Variants in ROBO1 observed in about 807,000 individuals in gnomAD.
ROBO1 encodes the protein roundabout homolog 1.
ROBO1 carries 149 observed loss-of-function variants against 195.9 expected under a neutral mutation model. The observed-to-expected ratio is 0.76, with a 90% CI of 0.67 to 0.87. ROBO1 has a LOEUF of 0.87. ROBO1 is among the 40% of genes least tolerant of loss of function. ROBO1 has a pLI of 0.00. For missense variants in ROBO1, 1,933 were observed against 2,068.3 expected, an observed-to-expected ratio of 0.93 and a Z score of 1.27; for synonymous variants, 816 against 733.2, an observed-to-expected ratio of 1.11 and a Z score of -1.82.
At chr3:78,904,997 C>CTA (rs2037815897) in intron 4 of ROBO1, among the ~76,000 whole-genome samples, 1 of 149,064 alleles carries the variant, frequency 6.7e-6, no homozygotes, top group Admixed American at 6.7e-5. Context: ...GGGTAACTTA[C>CTA]TATAACACCA....
intron 1 of ROBO1, among the ~76,000 whole-genome samples, chr3:79,606,903 T>A (rs569148099): frequency 9.2e-5 from 14 of 152,160 alleles, no homozygotes; most frequent in African/African-American, 3.4e-4. Flanking sequence ...CTAACTGTAC[T>A]TTATTTAGCA....
chr3:79,134,272 A>G (rs1352697256), intron 2 of ROBO1, among the ~76,000 whole-genome samples: 1 of 134,170 alleles, frequency 7.5e-6, no homozygotes, highest in African/African-American at 2.9e-5. Flanking sequence ...ATGCAGCCAA[A>G]AAACACATGA....
At chr3:79,456,762 C>A (rs1467009591) in intron 2 of ROBO1, among the ~76,000 whole-genome samples, 1 of 152,058 alleles carries the variant, frequency 6.6e-6, no homozygotes, top group African/African-American at 2.4e-5. Flanking sequence ...TCTTTAGCGA[C>A]TTTTAATATA....
chr3:78,791,298 A>G (rs2084012763), intron 4 of ROBO1, among the ~76,000 whole-genome samples: 1 of 152,174 alleles, frequency 6.6e-6, no homozygotes, highest in Admixed American at 6.5e-5. Flanking sequence ...CCTCTCTCCT[A>G]TAGATTAAAA....
intron 3 of ROBO1, among the ~76,000 whole-genome samples, chr3:79,062,597 C>A (rs542133089): frequency 6.6e-6 from 1 of 152,254 alleles, no homozygotes; most frequent in East Asian, 1.9e-4. Context: ...TGGAACCAAC[C>A]CAAATGTCCA....
chr3:79,255,797 C>A (rs2082822190), intron 2 of ROBO1, among the ~76,000 whole-genome samples: 1 of 152,102 alleles, frequency 6.6e-6, no homozygotes, highest in Admixed American at 6.6e-5. Flanking sequence ...TCATCTCCCC[C>A]TCCACCACAC....
At chr3:79,200,787 C>T (rs1021096316) in intron 2 of ROBO1, among the ~76,000 whole-genome samples, 1 of 151,878 alleles carries the variant, frequency 6.6e-6, no homozygotes, top group Non-Finnish European at 1.5e-5. Flanking sequence ...GAGAAAAACA[C>T]ATTTTAGACA....
intron 8 of ROBO1, among the ~76,000 whole-genome samples, chr3:78,689,827 C>T (rs2081131975): frequency 6.6e-6 from 1 of 151,792 alleles, no homozygotes; most frequent in Non-Finnish European, 1.5e-5. Context: ...AGGGAAACTC[C>T]TTAATGTGAA....
intron 2 of ROBO1, among the ~76,000 whole-genome samples, chr3:79,546,608 G>C (rs1440422442): frequency 1.3e-5 from 2 of 152,140 alleles, no homozygotes; most frequent in Admixed American, 1.3e-4. Context: ...AAATCTCACT[G>C]ACCATGGCAA....
Position 79,519,641 on chromosome 3 carries a change from A to AAAG in ROBO1, c.88+70182_88+70183insCTT, listed in dbSNP as rs1941117365. 3.3e-5 allele frequency among the ~76,000 whole-genome samples: 5 copies of AAAG among 151,046 alleles called. No homozygotes were observed. The South Asian group carries it at 1.0e-3, about 31-fold the overall frequency. On this transcript the variant is annotated intron_variant, in intron 2 of 30. Coordinates refer to ENST00000464233, the MANE Select transcript of ROBO1 (RefSeq NM_002941.4). ...CAGACTCCTGCTCAAAAAAAAAAAAAAAAAAAAAGAAAAGAAAAAAGAAAT... is the reference window on the plus strand; with the variant it reads ...CAGACTCCTGCTCAAAAAAAAAAAAAAAGAAAAAAAAGAAAAGAAAAAAGAAAT...
At chr3:78,707,324 A>G (rs6806079) in intron 8 of ROBO1, among the ~76,000 whole-genome samples, 46,324 of 151,974 alleles carry the variant, frequency 0.3, 7,803 homozygotes, top group African/African-American at 0.46. Context: ...AGTCTCATAC[A>G]CTAAGGCTCA....
At chr3:79,092,025 C>G (rs931093540) in intron 3 of ROBO1, among the ~76,000 whole-genome samples, 1 of 152,080 alleles carries the variant, frequency 6.6e-6, no homozygotes, top group African/African-American at 2.4e-5. Flanking sequence ...TGAGAATAGA[C>G]TGTAGGGGGC....
At chr3:79,471,177 G>C (rs1309129421) in intron 2 of ROBO1, among the ~76,000 whole-genome samples, 2 of 152,092 alleles carry the variant, frequency 1.3e-5, no homozygotes, top group South Asian at 2.1e-4. Flanking sequence ...AGACTCAAAT[G>C]TAAGACCCAA....
At chr3:79,407,421 A>G (rs775614517) in intron 2 of ROBO1, among the ~76,000 whole-genome samples, 22 of 152,220 alleles carry the variant, frequency 1.4e-4, no homozygotes, top group Non-Finnish European at 2.9e-4. Context: ...AACGTTGTGA[A>G]AAAAATACAT....
chr3:79,546,416 G>T lies in ROBO1; in HGVS notation c.88+43408C>A, dbSNP rs565336906. ...CAAAGGTTAAATGTACAGTGAAAGA[G>T]TACAGTGTTGCTCTCGAAAGACAAA... On this transcript the variant is annotated intron_variant, in intron 2 of 30. Transcript: ENST00000464233. 5.1e-3 allele frequency among the ~76,000 whole-genome samples: 779 copies of T among 152,180 alleles called. 8 individuals are homozygous for T. Among genetic ancestry groups the T allele is most frequent in the African/African-American group, 0.018 (742 of 41,524 alleles).
chr3:78,964,478 A>G (rs1031927562), intron 3 of ROBO1, among the ~76,000 whole-genome samples: 1 of 152,156 alleles, frequency 6.6e-6, no homozygotes, highest in Non-Finnish European at 1.5e-5. Flanking sequence ...ACTTTTGCCA[A>G]ACTGTAGAGA....
rs1200775664 is a variant in ROBO1, at chr3:78,860,683, T to G, written c.499+77918A>C. ...TCCCATGTGGCATCCCATGTGGGCT[T>G]CGGCTCCACCAGAGGTACATTTTTA... On this transcript the variant is annotated intron_variant, in intron 4 of 30. Coordinates refer to ENST00000464233, the MANE Select transcript of ROBO1 (RefSeq NM_002941.4). Among the ~76,000 whole-genome samples the G allele has an allele frequency of 2.6e-5, 4 of 152,112 alleles. No homozygotes were observed. In the East Asian group the frequency reaches 7.7e-4, roughly 29 times the overall value.
At chr3:79,076,184 A>G (rs535176903) in intron 3 of ROBO1, among the ~76,000 whole-genome samples, 5 of 149,322 alleles carry the variant, frequency 3.3e-5, no homozygotes, top group African/African-American at 1.2e-4. Flanking sequence ...TATGTTAATT[A>G]TGTAAAACAA....
intron 2 of ROBO1, among the ~76,000 whole-genome samples, chr3:79,498,173 C>T (rs953478116): frequency 2.6e-5 from 4 of 152,034 alleles, no homozygotes; most frequent in African/African-American, 9.7e-5. Flanking sequence ...TTTTCAAAAG[C>T]ATTTTTGTCA....
Sources: gnomAD v4.1 joint callset for allele counts (sites outside exome capture counted in the v4.1 genomes callset) on GRCh38, gnomAD v4.1.1 for gene constraint, MANE v1.5 for transcripts, NCBI Gene and HGNC (gene_info 2026-07-23, HGNC 2026-07-21) for gene names.